The following KCNMA1 variants were observed in gnomAD, a reference collection of about 807,000 sequenced individuals.
KCNMA1 encodes the protein potassium calcium-activated channel subfamily M alpha 1.
KCNMA1 carries 29 observed loss-of-function variants against 140.0 expected under a neutral mutation model. That is an observed-to-expected ratio of 0.21 (90% CI 0.15 to 0.28). KCNMA1 has a LOEUF of 0.28. Ranked by LOEUF, KCNMA1 falls within the 10% of genes least tolerant of loss-of-function variation. KCNMA1 has a pLI of 1.00. For synonymous variants in KCNMA1, 612 were observed against 611.9 expected (o/e 1.00, Z 0.00); for missense variants, 880 against 1,602.2 (o/e 0.55, Z 7.70).
At chr10:76,914,583 A>G in intron 24 of KCNMA1, 5 of 352,856 alleles carry the variant, frequency 1.4e-5, no homozygotes, top group Non-Finnish European at 2.1e-5. Context: ...AGAATGCTCA[A>G]AAGAGGTTCT....
intron 10 of KCNMA1, among the ~76,000 whole-genome samples, chr10:77,086,911 G>C (rs1024267569): frequency 6.6e-6 from 1 of 152,332 alleles, no homozygotes; most frequent in Middle Eastern, 3.4e-3. Flanking sequence ...TGCGCCACTA[G>C]TGGGATGGTT....
chr10:77,610,271 G>A (rs560454788), intron 1 of KCNMA1, among the ~76,000 whole-genome samples: 1 of 152,320 alleles, frequency 6.6e-6, no homozygotes, highest in South Asian at 2.1e-4. Context: ...TTACTGAAGT[G>A]TTGATTATCT....
At chr10:77,265,241 G>A (rs373229921) in intron 2 of KCNMA1, among the ~76,000 whole-genome samples, 3 of 152,078 alleles carry the variant, frequency 2.0e-5, no homozygotes, top group South Asian at 4.2e-4. Flanking sequence ...AAGTAGAGAC[G>A]GGGTTTCACC....
intron 5 of KCNMA1, among the ~76,000 whole-genome samples, chr10:77,129,842 A>G (rs1265153209): frequency 6.6e-6 from 1 of 152,156 alleles, no homozygotes; most frequent in African/African-American, 2.4e-5. Flanking sequence ...GAAAAACCTC[A>G]GTGAGAGGGA....
At chr10:77,541,408 G>T (rs1292903239) in intron 1 of KCNMA1, among the ~76,000 whole-genome samples, 1 of 152,098 alleles carries the variant, frequency 6.6e-6, no homozygotes, top group Non-Finnish European at 1.5e-5. Flanking sequence ...AACTAATTTT[G>T]TTCCTCAAAA....
At chr10:77,406,702 C>T (rs923568462) in intron 1 of KCNMA1, among the ~76,000 whole-genome samples, 6 of 152,154 alleles carry the variant, frequency 3.9e-5, no homozygotes, top group African/African-American at 1.4e-4. Flanking sequence ...AAGGACAGAA[C>T]CACCTGCTTG....
At chr10:77,171,416 T>C (rs975556722) in intron 5 of KCNMA1, among the ~76,000 whole-genome samples, 6 of 140,202 alleles carry the variant, frequency 4.3e-5, no homozygotes, top group Non-Finnish European at 7.5e-5. Flanking sequence ...TGTGTGTGTG[T>C]GTGTGTGTGT....
At chr10:77,121,726 G>C (rs752500941) in intron 5 of KCNMA1, among the ~76,000 whole-genome samples, 20 of 152,174 alleles carry the variant, frequency 1.3e-4, no homozygotes, top group Non-Finnish European at 2.5e-4. Context: ...TCAGTGTTTA[G>C]GTGGCAGAAG....
At chr10:76,948,503 C>T (rs1373019852) in intron 22 of KCNMA1, among the ~76,000 whole-genome samples, 1 of 152,162 alleles carries the variant, frequency 6.6e-6, no homozygotes, top group Non-Finnish European at 1.5e-5. Flanking sequence ...ATCCCATATC[C>T]TCACACTAAA....
intron 25 of KCNMA1, among the ~76,000 whole-genome samples, chr10:76,899,233 T>C (rs1027663245): frequency 6.6e-6 from 1 of 152,154 alleles, no homozygotes; most frequent in African/African-American, 2.4e-5. Flanking sequence ...TTGTTTGACA[T>C]ATGTGTAATT....
intron 5 of KCNMA1, among the ~76,000 whole-genome samples, chr10:77,139,406 T>C (rs1186329862): frequency 6.6e-6 from 1 of 152,190 alleles, no homozygotes; most frequent in Non-Finnish European, 1.5e-5. Flanking sequence ...AGCATGAATA[T>C]TTAGATTCCA....
At chr10:76,896,598 T>G (rs2042608508) in intron 25 of KCNMA1, among the ~76,000 whole-genome samples, 1 of 152,140 alleles carries the variant, frequency 6.6e-6, no homozygotes, top group Non-Finnish European at 1.5e-5. Flanking sequence ...TCTTCATAAT[T>G]TATGTTCTTC....
At chr10:77,163,187 C>T (rs2098588249) in intron 5 of KCNMA1, among the ~76,000 whole-genome samples, 1 of 152,122 alleles carries the variant, frequency 6.6e-6, no homozygotes, top group South Asian at 2.1e-4. Context: ...AAATGTTTTC[C>T]CCCTACATTT....
chr10:77,139,002 C>T (rs1211113734), intron 5 of KCNMA1, among the ~76,000 whole-genome samples: 1 of 152,160 alleles, frequency 6.6e-6, no homozygotes, highest in Non-Finnish European at 1.5e-5. Flanking sequence ...GCCTCCTGCC[C>T]GTTCCTCAGC....
chr10:77,083,558 G>A (rs2096629139), intron 12 of KCNMA1, among the ~76,000 whole-genome samples: 4 of 151,074 alleles, frequency 2.6e-5, no homozygotes, highest in Admixed American at 2.0e-4. Context: ...GGGCCACAGC[G>A]GCACACTCCT....
chr10:77,130,619 A>G (rs2097841262), intron 5 of KCNMA1, among the ~76,000 whole-genome samples: 1 of 152,172 alleles, frequency 6.6e-6, no homozygotes, highest in African/African-American at 2.4e-5. Flanking sequence ...CAGATGGATC[A>G]CAATGGTTTA....
chr10:77,359,024 T>C (rs1267775943), intron 2 of KCNMA1, among the ~76,000 whole-genome samples: 7 of 152,148 alleles, frequency 4.6e-5, no homozygotes, highest in African/African-American at 1.7e-4. Flanking sequence ...GCCCACACCA[T>C]TTCCTCAAGT....
chr10:77,173,265 A>G (rs1188973595), intron 5 of KCNMA1, among the ~76,000 whole-genome samples: 1 of 152,160 alleles, frequency 6.6e-6, no homozygotes, highest in Non-Finnish European at 1.5e-5. Flanking sequence ...AAATGTGTTA[A>G]CTTGTAGCTT....
chr10:77,421,606 T>C (rs535342399), intron 1 of KCNMA1, among the ~76,000 whole-genome samples: 2 of 152,366 alleles, frequency 1.3e-5, no homozygotes, highest in East Asian at 1.9e-4. Flanking sequence ...TTTAGAGACA[T>C]TGAAATCAGA....
Sources: allele counts gnomAD v4.1 joint callset (sites outside exome capture counted in the v4.1 genomes callset), GRCh38; gene constraint gnomAD v4.1.1; transcripts MANE v1.5; gene names NCBI Gene and HGNC (gene_info 2026-07-23, HGNC 2026-07-21).